Variants in CNTN4 observed in about 807,000 individuals in gnomAD.
The protein encoded by CNTN4 is contactin-4.
CNTN4 carries 77 observed loss-of-function variants against 122.5 expected under a neutral mutation model. That is an observed-to-expected ratio of 0.63 (90% confidence interval 0.52 to 0.76). The LOEUF (loss-of-function observed/expected upper bound fraction) is 0.76. Among genes scored for constraint, CNTN4 ranks in the 30% least tolerant of loss-of-function variants. The probability of loss-of-function intolerance (pLI) is 0.00; values close to 1 mark genes in which losing one functional copy is unlikely to be tolerated. For synonymous variants in CNTN4, 512 were observed against 447.0 expected (o/e 1.15, Z -1.83); for missense variants, 1,256 against 1,259.1 (o/e 1.00, Z 0.04).
intron 23 of CNTN4, among the ~76,000 whole-genome samples, chr3:3,045,811 C>T (rs1310785275): frequency 6.6e-6 from 1 of 152,174 alleles, no homozygotes; most frequent in Non-Finnish European, 1.5e-5. Flanking sequence ...AAGAAGGCTT[C>T]AGATGACCAA....
At chr3:2,275,735 C>T (rs2149849228) in intron 2 of CNTN4, among the ~76,000 whole-genome samples, 1 of 151,870 alleles carries the variant, frequency 6.6e-6, no homozygotes, top group East Asian at 1.9e-4. Flanking sequence ...GCCTGGCCAA[C>T]ATGATGAAAC....
intron 4 of CNTN4, among the ~76,000 whole-genome samples, chr3:2,699,745 G>C (rs185443586): frequency 3.9e-5 from 6 of 152,282 alleles, no homozygotes; most frequent in Admixed American, 3.9e-4. Flanking sequence ...GTAGCCTCTT[G>C]AGCAAACCTT....
chr3:2,236,891 C>T (rs556741515), intron 2 of CNTN4, among the ~76,000 whole-genome samples: 7 of 151,878 alleles, frequency 4.6e-5, no homozygotes, highest in African/African-American at 9.7e-5. Context: ...AGGCAGAAGA[C>T]GGTTAAGAGA....
chr3:2,845,430 C>T, intron 7 of CNTN4, among the ~76,000 whole-genome samples: 1 of 151,912 alleles, frequency 6.6e-6, no homozygotes, highest in East Asian at 1.9e-4. Context: ...AAATAAATTA[C>T]TTTATTAGTA....
At chr3:2,521,467 A>T (rs2077217306) in intron 3 of CNTN4, among the ~76,000 whole-genome samples, 1 of 151,808 alleles carries the variant, frequency 6.6e-6, no homozygotes, top group South Asian at 2.1e-4. Flanking sequence ...ATAAGGGTAC[A>T]GCCATCCCTC....
rs985581962 is a variant in CNTN4 at position 3,057,101 on chromosome 3, G to T, written c.*881G>T. ...CAACCAAGTCTTTCAAAGGATAAAA[G>T]ATCATTTTATTATCTTTAACTGTAT... is the stretch of plus-strand genomic sequence containing the variant. On this transcript the variant is annotated 3_prime_UTR_variant, in exon 25 of 25. Coordinates refer to ENST00000418658, the MANE Select transcript of CNTN4 (RefSeq NM_175607.3). 1.3e-5 allele frequency: 2 copies of T among 152,412 alleles called. No individual in the cohort carries two copies. Among genetic ancestry groups the T allele is most frequent in the African/African-American group, 4.8e-5 (2 of 41,364 alleles). 9.4% of individuals were successfully genotyped at this position (152,412 alleles called of 1,614,324 possible). A position where few individuals can be genotyped will look rare whatever the true frequency, so the allele number is the denominator to read the frequency against.
At chr3:2,722,205 C>A (rs1190112800) in intron 4 of CNTN4, among the ~76,000 whole-genome samples, 1 of 152,168 alleles carries the variant, frequency 6.6e-6, no homozygotes, top group Non-Finnish European at 1.5e-5. Flanking sequence ...CTTCACAATA[C>A]GAATGACCTT....
intron 2 of CNTN4, among the ~76,000 whole-genome samples, chr3:2,315,611 G>A (rs1042330215): frequency 3.4e-4 from 52 of 151,830 alleles, no homozygotes; most frequent in African/African-American, 9.9e-4. Flanking sequence ...ATATGTAACT[G>A]GAGAATATGT....
At chr3:2,361,482 C>G (rs2150547387) in intron 3 of CNTN4, among the ~76,000 whole-genome samples, 1 of 152,276 alleles carries the variant, frequency 6.6e-6, no homozygotes, top group Admixed American at 6.5e-5. Flanking sequence ...CCAAAGATGT[C>G]AAGTGTCAAG....
chr3:2,608,920 G>T lies in CNTN4; in HGVS notation c.55+37362G>T, dbSNP rs964777399. Among the ~76,000 whole-genome samples the T allele has an allele frequency of 9.9e-5, 15 of 152,160 alleles. No homozygotes were observed. In the East Asian group the frequency reaches 2.7e-3, roughly 27 times the overall value. On this transcript the variant is annotated intron_variant, in intron 4 of 24. Coordinates refer to ENST00000418658, the MANE Select transcript of CNTN4 (RefSeq NM_175607.3). ...GGCCAAATATTCTCTCTAGTCAGGGGCATGCCTGATGATGCTTACAGTCTA... is the reference window on the plus strand; with the variant it reads ...GGCCAAATATTCTCTCTAGTCAGGGTCATGCCTGATGATGCTTACAGTCTA...
At chr3:2,292,649 T>A (rs1371593207) in intron 2 of CNTN4, among the ~76,000 whole-genome samples, 2 of 152,198 alleles carry the variant, frequency 1.3e-5, no homozygotes, top group Non-Finnish European at 2.9e-5. Context: ...TGGTCTAGAA[T>A]TTCTTATAAA....
chr3:2,900,901 T>G (rs2094165841), intron 11 of CNTN4, 80 bp downstream of exon 11: 1 of 1,532,564 alleles, frequency 6.5e-7, no homozygotes, highest in Non-Finnish European at 9.0e-7. Flanking sequence ...AACGGGAGAA[T>G]GGTGAATTGT....
intron 2 of CNTN4, among the ~76,000 whole-genome samples, chr3:2,235,999 A>G (rs1467199394): frequency 6.6e-6 from 1 of 152,186 alleles, no homozygotes; most frequent in Non-Finnish European, 1.5e-5. Context: ...GCAGTGGGCC[A>G]TCTTAATTCA....
chr3:2,634,345 T>C (rs1405061476), intron 4 of CNTN4, among the ~76,000 whole-genome samples: 1 of 152,200 alleles, frequency 6.6e-6, no homozygotes, highest in African/African-American at 2.4e-5. Context: ...AATATTTGTG[T>C]ATGCGGCAAT....
At chr3:2,849,019 A>G (rs1358965409) in intron 7 of CNTN4, among the ~76,000 whole-genome samples, 1 of 152,194 alleles carries the variant, frequency 6.6e-6, no homozygotes, top group Non-Finnish European at 1.5e-5. Context: ...AAAACAAATG[A>G]TGTCTACTTG....
chr3:2,107,921 A>G (rs577575781), intron 2 of CNTN4, among the ~76,000 whole-genome samples: 1 of 152,260 alleles, frequency 6.6e-6, no homozygotes, highest in African/African-American at 2.4e-5. Flanking sequence ...TAGAGCTCTC[A>G]CTAAATTATA....
intron 2 of CNTN4, among the ~76,000 whole-genome samples, chr3:2,282,021 C>G (rs180733496): frequency 6.6e-6 from 1 of 152,102 alleles, no homozygotes; most frequent in East Asian, 1.9e-4. Context: ...TAATCCTGCT[C>G]CATTTCTAAA....
At chr3:2,163,611 G>C (rs927857914) in intron 2 of CNTN4, among the ~76,000 whole-genome samples, 1 of 151,778 alleles carries the variant, frequency 6.6e-6, no homozygotes, top group South Asian at 2.1e-4. Context: ...ATCTGACAAA[G>C]GACTAAAATA....
intron 6 of CNTN4, among the ~76,000 whole-genome samples, chr3:2,780,302 T>C (rs369849776): frequency 5.3e-5 from 8 of 152,220 alleles, no homozygotes; most frequent in East Asian, 1.9e-4. Context: ...CATGGACCTT[T>C]ACAGTATAGG....
Sources: allele counts gnomAD v4.1 joint callset (sites outside exome capture counted in the v4.1 genomes callset), GRCh38; gene constraint gnomAD v4.1.1; transcripts MANE v1.5; gene names NCBI Gene and HGNC (gene_info 2026-07-23, HGNC 2026-07-21).